The following CACNA2D4 variants were observed in gnomAD, a reference collection of about 807,000 sequenced individuals.
The protein encoded by CACNA2D4 is calcium voltage-gated channel auxiliary subunit alpha2delta 4.
A neutral mutation model predicts 163.8 loss-of-function variants in CACNA2D4; 157 were observed. The ratio of observed to expected loss-of-function variants is 0.96; its 90% CI spans 0.84 to 1.09. The LOEUF (loss-of-function observed/expected upper bound fraction) is 1.09. Ranked by LOEUF, CACNA2D4 falls within the 50% of genes least tolerant of loss-of-function variation. The pLI is 0.00. For missense variants in CACNA2D4, 1,410 were observed against 1,479.9 expected (o/e 0.95, Z 0.78); for synonymous variants, 598 against 586.9 (o/e 1.02, Z -0.27).
At chr12:1,800,222 G>T in intron 32 of CACNA2D4, 164 bp downstream of exon 32, 1 of 937,008 alleles carries the variant, frequency 1.1e-6, no homozygotes, top group Non-Finnish European at 1.7e-6. Context: ...GGGGCAGCAT[G>T]CAGGGAAGAG....
Position 1,810,546 on chromosome 12 carries a change from G to C in CACNA2D4, c.2655C>G (p.Asp885Glu). The C allele has an allele frequency of 6.4e-7, 1 of 1,553,484 alleles. No individual in the cohort carries two copies. The highest frequency in any genetic ancestry group is 8.7e-7 in the Non-Finnish European group (1 of 1,147,948). Residue 885 changes from aspartate (D) to glutamate (E), a missense_variant, in exon 28 of 38, where the codon GAC (aspartate) becomes GAG (glutamate). Coordinates refer to ENST00000382722, the MANE Select transcript of CACNA2D4 (RefSeq NM_172364.5). Reference protein sequence around the residue: ...VDGPCTQSCEDSDLDCFVIDN... With the variant: ...VDGPCTQSCEESDLDCFVIDN... ...TCCTCACACGGGCAGAACTTACACT[G>C]TCCTCGCAGCTCTGTGTGCACGGCC...
Position 1,856,247 on chromosome 12 carries a change from AT to A in CACNA2D4, c.2009-19del. 2 of 1,613,816 alleles carry A rather than the reference AT, an allele frequency of 1.2e-6. No individual in the cohort carries two copies. The highest frequency in any genetic ancestry group is 1.7e-6 in the Non-Finnish European group (2 of 1,179,730). ...ATGCAGGCCTGAAACCAGAGTCCACATTCAGGGTGATGCTCCCTCACTGCCA... is the reference window on the plus strand; with the variant it reads ...ATGCAGGCCTGAAACCAGAGTCCACATCAGGGTGATGCTCCCTCACTGCCA... On this transcript the variant is annotated intron_variant, in intron 20 of 37. Coordinates refer to ENST00000382722, the MANE Select transcript of CACNA2D4 (RefSeq NM_172364.5).
At chr12:1,826,413 C>T (rs1362672461) in intron 26 of CACNA2D4, among the ~76,000 whole-genome samples, 4 of 135,474 alleles carry the variant, frequency 3.0e-5, no homozygotes, top group Non-Finnish European at 6.5e-5. Flanking sequence ...CCCCCCCCCC[C>T]CCCGCCAACT....
Position 1,801,137 on chromosome 12 carries a change from C to T in CACNA2D4, c.2793-19G>A. ...AGTCACTCTGAAAATCAGAAGCGGG[C>T]TGTGATGAGTCCAAAGCCACCCCCA... On this transcript the variant is annotated intron_variant, in intron 30 of 37. Coordinates refer to ENST00000382722, the MANE Select transcript of CACNA2D4 (RefSeq NM_172364.5). 1.2e-6 allele frequency: 2 copies of T among 1,611,472 alleles called. No homozygotes were observed. The highest frequency in any genetic ancestry group is 4.5e-5 in the East Asian group (2 of 44,876).
intron 26 of CACNA2D4, among the ~76,000 whole-genome samples, chr12:1,838,338 T>G (rs770945928): frequency 1.3e-5 from 2 of 152,026 alleles, no homozygotes; most frequent in African/African-American, 4.8e-5. Flanking sequence ...ATCGTCACCA[T>G]ACAGCCCCCA....
At chr12:1,896,643 ACACAC>A (rs1866411418) in intron 6 of CACNA2D4, among the ~76,000 whole-genome samples, 3 of 148,326 alleles carry the variant, frequency 2.0e-5, no homozygotes, top group Non-Finnish European at 4.4e-5. Context: ...ACACACACAC[ACACAC>A]ACACACAAAA....
rs1867035190 is a variant in CACNA2D4 at position 1,917,991 on chromosome 12, A to T, written c.227+256T>A. 2.3e-6 allele frequency: 1 copy of T among 436,904 alleles called. No individual in the cohort carries two copies. Among genetic ancestry groups the T allele is most frequent in the South Asian group, 2.7e-5 (1 of 36,714 alleles). 27.1% of individuals were successfully genotyped at this position (436,904 alleles called of 1,614,324 possible). A position where few individuals can be genotyped will look rare whatever the true frequency, so the allele number is the denominator to read the frequency against. On this transcript the variant is annotated intron_variant, in intron 1 of 37. Coordinates refer to ENST00000382722, the MANE Select transcript of CACNA2D4 (RefSeq NM_172364.5). This position sits in a 1 kb window ranked among gnomAD's most constrained non-coding sequence, Gnocchi z 4.3. ...CAGGAAGACAGCAGCCCTGATGATC[A>T]GTTCTTCCTAAAGCCATCCGGCTCC...
chr12:1,903,728 G>A (rs2470432), intron 6 of CACNA2D4, among the ~76,000 whole-genome samples: 114,999 of 151,832 alleles, frequency 0.76, 43,678 homozygotes, highest in East Asian at 0.88. Context: ...TGCAAATGCT[G>A]GCAAGGACTT....
intron 18 of CACNA2D4, among the ~76,000 whole-genome samples, chr12:1,863,926 T>C (rs967064873): frequency 1.3e-5 from 2 of 152,074 alleles, no homozygotes; most frequent in Non-Finnish European, 2.9e-5. Context: ...ACACCCATTT[T>C]CATATTTTAA....
intron 26 of CACNA2D4, among the ~76,000 whole-genome samples, chr12:1,814,812 T>C (rs1304935476): frequency 6.6e-6 from 1 of 152,220 alleles, no homozygotes; most frequent in East Asian, 1.9e-4. Flanking sequence ...ATTCTCCACA[T>C]AGAGTGGATC....
chr12:1,799,686 A>T lies in CACNA2D4; in HGVS notation c.2984T>A (p.Val995Asp), dbSNP rs1160142086. ...WYDRGAEAKSVFHHSHKHKKQ... is the reference protein window; with the variant it reads ...WYDRGAEAKSDFHHSHKHKKQ... ...GCTGGGCTACTTACAGTGATGGAAG[A>T]CACTTTTGGCTGGCCGGAACATAAG... The change falls in exon 34 of 38, where the codon GTC becomes GAC. Residue 995 changes from valine to aspartate, a missense_variant. Coordinates refer to ENST00000382722, the MANE Select transcript of CACNA2D4 (RefSeq NM_172364.5). The surrounding 1 kb of genome is among the most constrained non-coding windows in gnomAD (Gnocchi z 4.7). 1 of 1,572,942 alleles carries T rather than the reference A, an allele frequency of 6.4e-7. No homozygotes were observed. Among genetic ancestry groups the T allele is most frequent in the Admixed American group, 1.9e-5 (1 of 53,870 alleles).
At chr12:1,809,391 A>G (rs1288256021) in intron 29 of CACNA2D4, 3 of 622,994 alleles carry the variant, frequency 4.8e-6, no homozygotes, top group East Asian at 5.5e-5. Flanking sequence ...GCTTGCCCAC[A>G]TCACGTTTCT....
chr12:1,848,778 A>ATTATTATTATTATTT lies in CACNA2D4; in HGVS notation c.2247-2090_2247-2089insAAATAATAATAATAA, dbSNP rs1198136647. 2.7e-5 allele frequency among the ~76,000 whole-genome samples: 4 copies of ATTATTATTATTATTT among 150,434 alleles called. No individual in the cohort carries two copies. The East Asian group carries it at 7.8e-4, about 29-fold the overall frequency. On this transcript the variant is annotated intron_variant, in intron 23 of 37. Transcript: ENST00000382722. The stretch of plus-strand genomic sequence containing the variant: ...ACCCATTGCAATTATTATTATTATT[A>ATTATTATTATTATTT]TTATTTTTATTTAAAGACAGGTTCT...
chr12:1,832,976 G>A (rs1362221272), intron 26 of CACNA2D4, among the ~76,000 whole-genome samples: 4 of 152,204 alleles, frequency 2.6e-5, no homozygotes, highest in Admixed American at 2.6e-4. Flanking sequence ...GTGTTCCTGG[G>A]ATGTGAGGTT....
intron 23 of CACNA2D4, among the ~76,000 whole-genome samples, chr12:1,848,604 G>A (rs1865205281): frequency 6.6e-6 from 1 of 152,234 alleles, no homozygotes; most frequent in Admixed American, 6.5e-5. Flanking sequence ...TTTTATAGAA[G>A]AGGCAGGATA....
intron 26 of CACNA2D4, among the ~76,000 whole-genome samples, chr12:1,826,704 G>T (rs991036854): frequency 1.4e-4 from 17 of 120,926 alleles, no homozygotes; most frequent in African/African-American, 4.2e-4. Context: ...GGCTGCCCTT[G>T]CCGGGGGCAG....
chr12:1,915,241 G>T (rs1005578087), intron 1 of CACNA2D4: 23 of 702,542 alleles, frequency 3.3e-5, no homozygotes, highest in Admixed American at 1.0e-4. Context: ...CTGGGCAGGA[G>T]ACGCGGAGAA....
Position 1,844,049 on chromosome 12 carries a change from C to T in CACNA2D4, c.2470+353G>A, listed in dbSNP as rs977598717. Among the ~76,000 whole-genome samples, 1 of 152,156 alleles carries T rather than the reference C, an allele frequency of 6.6e-6. No individual in the cohort carries two copies. Among genetic ancestry groups the T allele is most frequent in the East Asian group, 1.9e-4 (1 of 5,194 alleles). ...CCACCCGTCTGGGTGGTTTATGAAG[C>T]TTTCACAGACATGCAGGATAAATAG... On this transcript the variant is annotated intron_variant, in intron 25 of 37. Transcript: ENST00000382722. This position sits in a 1 kb window ranked among gnomAD's most constrained non-coding sequence, Gnocchi z 4.2.
At chr12:1,827,936 C>A (rs1236970609) in intron 26 of CACNA2D4, 2 of 416,002 alleles carry the variant, frequency 4.8e-6, no homozygotes, top group South Asian at 8.9e-5. Flanking sequence ...TCCTCTTCTT[C>A]CCCCACCCAG....
Sources: gnomAD v4.1 joint callset for allele counts (sites outside exome capture counted in the v4.1 genomes callset) on GRCh38, gnomAD v4.1.1 for gene constraint, Gnocchi (gnomAD v3.1) non-coding constraint, MANE v1.5 for transcripts, NCBI Gene and HGNC (gene_info 2026-07-23, HGNC 2026-07-21) for gene names.